Variants in MYO1D observed in about 807,000 individuals in gnomAD.
MYO1D encodes myosin ID.
MYO1D carries 83 observed loss-of-function variants against 122.0 expected under a neutral mutation model. The ratio of observed to expected loss-of-function variants is 0.68; its 90% CI spans 0.57 to 0.82. The LOEUF (loss-of-function observed/expected upper bound fraction) is 0.82. Ranked by LOEUF, MYO1D falls within the 40% of genes least tolerant of loss-of-function variation. MYO1D has a pLI of 0.00. For missense variants in MYO1D, 1,157 were observed against 1,269.5 expected (o/e 0.91, Z 1.35); for synonymous variants, 464 against 446.9 (o/e 1.04, Z -0.48).
At chr17:32,739,971 G>A (rs527857481) in intron 13 of MYO1D, among the ~76,000 whole-genome samples, 2 of 152,178 alleles carry the variant, frequency 1.3e-5, no homozygotes, top group African/African-American at 4.8e-5. Context: ...ACAAAATGCT[G>A]CAATAACCTG....
chr17:32,575,587 A>C (rs989755614), intron 21 of MYO1D, among the ~76,000 whole-genome samples: 4 of 152,202 alleles, frequency 2.6e-5, no homozygotes, highest in Non-Finnish European at 5.9e-5. Flanking sequence ...TGAGTTCTCT[A>C]TCTGCTCCTT....
intron 19 of MYO1D, among the ~76,000 whole-genome samples, chr17:32,647,001 C>A (rs955069541): frequency 6.6e-6 from 1 of 152,144 alleles, no homozygotes; most frequent in Non-Finnish European, 1.5e-5. Context: ...ATTAGATAAA[C>A]CCTCATCTTG....
At chr17:32,514,172 A>G (rs1444697271) in intron 21 of MYO1D, among the ~76,000 whole-genome samples, 1 of 144,368 alleles carries the variant, frequency 6.9e-6, no homozygotes, top group Non-Finnish European at 1.5e-5. Context: ...ATCCACAGGT[A>G]GAGATTGTAG....
At chr17:32,575,685 G>A (rs1249116986) in intron 21 of MYO1D, among the ~76,000 whole-genome samples, 1 of 152,126 alleles carries the variant, frequency 6.6e-6, no homozygotes, top group Non-Finnish European at 1.5e-5. Flanking sequence ...ACTCCATTAT[G>A]TTTCAATGGC....
chr17:32,704,921 A>G lies in MYO1D; in HGVS notation c.2121+7067T>C, dbSNP rs999239173. 5.9e-5 allele frequency among the ~76,000 whole-genome samples: 9 copies of G among 152,280 alleles called. 1 individual carries two copies. The East Asian group carries it at 1.5e-3, about 26-fold the overall frequency. ...TAATATAAAATAACATATTTTAAAT[A>G]ATATAAAATTATATTTTTTCATTTT... On this transcript the variant is annotated intron_variant, in intron 16 of 21. Coordinates refer to ENST00000318217, the MANE Select transcript of MYO1D (RefSeq NM_015194.3).
At chr17:32,818,124 T>TTAAAAAAAAAAAAAAAAAAAAAAA (rs2090628753) in intron 1 of MYO1D, among the ~76,000 whole-genome samples, 1 of 24,962 alleles carries the variant, frequency 4.0e-5, no homozygotes, top group Non-Finnish European at 6.8e-5. Context: ...AGACTCCGTC[T>TTAAAAAAAAAAAAAAAAAAAAAAA]CAAAAAAAAA....
intron 21 of MYO1D, among the ~76,000 whole-genome samples, chr17:32,565,885 T>C (rs2087168857): frequency 6.6e-6 from 1 of 152,148 alleles, no homozygotes; most frequent in African/African-American, 2.4e-5. Context: ...CAGGTGTGGC[T>C]AATTTTTTTT....
intron 21 of MYO1D, among the ~76,000 whole-genome samples, chr17:32,501,085 C>T (rs1597859234): frequency 6.6e-6 from 1 of 151,958 alleles, no homozygotes; most frequent in Non-Finnish European, 1.5e-5. Context: ...CCATATCACC[C>T]AGCGATTCCA....
At position 32,738,397 on chromosome 17, in the gene MYO1D, AG is replaced by A; in HGVS notation, c.1614-13del. 6.4e-7 allele frequency: 1 copy of A among 1,553,278 alleles called. No homozygotes were observed. Among genetic ancestry groups the A allele is most frequent in the Non-Finnish European group, 8.7e-7 (1 of 1,149,604 alleles). On this transcript the variant is annotated splice_polypyrimidine_tract_variant and intron_variant, in intron 13 of 21. Coordinates refer to ENST00000318217, the MANE Select transcript of MYO1D (RefSeq NM_015194.3). ...GCACAGGATTTGAACTGAGAAGCAC[AG>A]AAAAAACAATTCAAATGTCACATTC... is the stretch of plus-strand genomic sequence containing the variant.
chr17:32,810,907 T>G (rs1048498653), intron 1 of MYO1D, among the ~76,000 whole-genome samples: 2 of 152,258 alleles, frequency 1.3e-5, no homozygotes, highest in African/African-American at 4.8e-5. Flanking sequence ...GATTAAATTA[T>G]CTGGCCTTTT....
intron 15 of MYO1D, among the ~76,000 whole-genome samples, chr17:32,719,242 C>A (rs1211724657): frequency 6.6e-6 from 1 of 152,140 alleles, no homozygotes; most frequent in Non-Finnish European, 1.5e-5. Flanking sequence ...CAAACATATC[C>A]CAAATCTGTC....
chr17:32,859,539 G>A (rs1436797490), intron 1 of MYO1D, among the ~76,000 whole-genome samples: 1 of 152,158 alleles, frequency 6.6e-6, no homozygotes, highest in Non-Finnish European at 1.5e-5. Flanking sequence ...AATTCTTCAG[G>A]AGGAAGAGAA....
chr17:32,859,587 C>G (rs192879369), intron 1 of MYO1D, among the ~76,000 whole-genome samples: 34 of 152,312 alleles, frequency 2.2e-4, no homozygotes, highest in African/African-American at 7.2e-4. Flanking sequence ...AAATCTACAT[C>G]TCTTCACTTT....
At chr17:32,518,058 C>T (rs997129526) in intron 21 of MYO1D, among the ~76,000 whole-genome samples, 5 of 151,904 alleles carry the variant, frequency 3.3e-5, no homozygotes, top group Non-Finnish European at 7.4e-5. Flanking sequence ...TCTGCCATCA[C>T]CCTCTGGACA....
At chr17:32,872,851 C>T (rs1031036287) in intron 1 of MYO1D, among the ~76,000 whole-genome samples, 13 of 151,772 alleles carry the variant, frequency 8.6e-5, no homozygotes, top group Non-Finnish European at 1.5e-4. Flanking sequence ...CGCCCGCCAC[C>T]GCGCCCGGCT....
chr17:32,687,845 A>G (rs1348414558), intron 16 of MYO1D, among the ~76,000 whole-genome samples: 1 of 152,194 alleles, frequency 6.6e-6, no homozygotes, highest in Non-Finnish European at 1.5e-5. Flanking sequence ...TATTGACGAA[A>G]TGTTACCTAA....
chr17:32,800,768 C>T (rs1453144373), intron 1 of MYO1D, among the ~76,000 whole-genome samples: 3 of 151,970 alleles, frequency 2.0e-5, no homozygotes, highest in South Asian at 2.1e-4. Flanking sequence ...AGTGCAGTGG[C>T]GTAATCATAG....
intron 21 of MYO1D, among the ~76,000 whole-genome samples, chr17:32,571,146 A>G (rs1319559527): frequency 1.3e-5 from 2 of 152,150 alleles, no homozygotes; most frequent in Non-Finnish European, 2.9e-5. Flanking sequence ...GTGCTAGAGT[A>G]GGTGAATCAG....
chr17:32,584,235 T>C (rs1359904933), intron 21 of MYO1D, among the ~76,000 whole-genome samples: 2 of 152,234 alleles, frequency 1.3e-5, no homozygotes, highest in Non-Finnish European at 2.9e-5. Context: ...AACCACTTTC[T>C]TTATACTTCC....
Sources: gnomAD v4.1 joint callset for allele counts (sites outside exome capture counted in the v4.1 genomes callset) on GRCh38, gnomAD v4.1.1 for gene constraint, MANE v1.5 for transcripts, NCBI Gene and HGNC (gene_info 2026-07-23, HGNC 2026-07-21) for gene names.